Variants in CPNE4 observed in about 807,000 individuals in gnomAD.
CPNE4 encodes copine 4, also known as copine-4.
Under a neutral mutation model 67.9 loss-of-function variants are expected in CPNE4, and 25 were observed. The observed-to-expected ratio is 0.37, with a 90% CI of 0.27 to 0.51. The LOEUF is 0.51. Ranked by LOEUF, CPNE4 falls within the 20% of genes least tolerant of loss-of-function variation. The pLI is 0.93. For missense variants in CPNE4, 464 were observed against 690.8 expected, an observed-to-expected ratio of 0.67 and a Z score of 3.68; for synonymous variants, 242 against 244.9, an observed-to-expected ratio of 0.99 and a Z score of 0.11.
At position 131,830,084 on chromosome 3, in the gene CPNE4, C is replaced by A. The variant is rs145932020; in HGVS notation, c.180+75180G>T. Among the ~76,000 whole-genome samples, 273 of 152,232 alleles carry A rather than the reference C, an allele frequency of 1.8e-3. 1 individual carries two copies. The highest frequency in any genetic ancestry group is 6.2e-3 in the African/African-American group (257 of 41,552). Reference sequence around the variant, plus strand: ...TAACCTTTTTGAGCTTAGAAGATTGCATTAAAATCTGGATGCCCAACAGCC... The same window carrying A: ...TAACCTTTTTGAGCTTAGAAGATTGAATTAAAATCTGGATGCCCAACAGCC... On this transcript the variant is annotated intron_variant, in intron 2 of 15. Transcript: ENST00000429747.
intron 2 of CPNE4, among the ~76,000 whole-genome samples, chr3:131,770,386 T>C (rs1303921653): frequency 2.6e-5 from 4 of 152,244 alleles, no homozygotes; most frequent in African/African-American, 9.6e-5. Context: ...AAGTTGTACT[T>C]CCTGTCTAAT....
At chr3:131,710,720 G>T (rs1052016973) in intron 3 of CPNE4, among the ~76,000 whole-genome samples, 1 of 152,186 alleles carries the variant, frequency 6.6e-6, no homozygotes, top group South Asian at 2.1e-4. Context: ...AAGACCCCCT[G>T]AAAATCAGTT....
chr3:131,829,740 G>A (rs1001002755), intron 2 of CPNE4, among the ~76,000 whole-genome samples: 5 of 152,218 alleles, frequency 3.3e-5, no homozygotes, highest in Non-Finnish European at 7.3e-5. Context: ...CTCTTCACAA[G>A]AGGATGGGGA....
chr3:131,774,664 T>C (rs116372859), intron 2 of CPNE4, among the ~76,000 whole-genome samples: 1 of 152,194 alleles, frequency 6.6e-6, no homozygotes, highest in African/African-American at 2.4e-5. Context: ...TTGCAGTCCT[T>C]CTCTTTGGTG....
At chr3:132,023,088 C>T (rs1022548965) in intron 1 of CPNE4, among the ~76,000 whole-genome samples, 6 of 152,178 alleles carry the variant, frequency 3.9e-5, no homozygotes, top group African/African-American at 1.4e-4. Context: ...ATCTATAGAA[C>T]ATCTCATTCC....
chr3:131,929,114 G>A (rs1035658488), intron 1 of CPNE4, among the ~76,000 whole-genome samples: 1 of 148,576 alleles, frequency 6.7e-6, no homozygotes, highest in Non-Finnish European at 1.5e-5. Context: ...TCTCAGTTCA[G>A]TGAGGTTTAA....
Position 131,755,814 on chromosome 3 carries a change from T to C in CPNE4, c.181-32189A>G, listed in dbSNP as rs540913523. Among the ~76,000 whole-genome samples, 15 of 152,308 alleles carry C rather than the reference T, an allele frequency of 9.8e-5. 1 individual carries two copies. The South Asian group carries it at 3.1e-3, about 32-fold the overall frequency. ...TTCACCTATCCCATCACATTAGACA[T>C]TTTTATTCTGGAAACTCTCAGGGTT... On this transcript the variant is annotated intron_variant, in intron 2 of 15. Coordinates refer to ENST00000429747, the MANE Select transcript of CPNE4 (RefSeq NM_130808.3).
intron 2 of CPNE4, among the ~76,000 whole-genome samples, chr3:131,807,909 C>T (rs984480565): frequency 1.3e-5 from 2 of 151,616 alleles, no homozygotes; most frequent in Non-Finnish European, 2.9e-5. Flanking sequence ...GATATTTAAT[C>T]GTTATTAGTT....
At chr3:131,671,490 C>T (rs990248137) in intron 6 of CPNE4, among the ~76,000 whole-genome samples, 9 of 142,430 alleles carry the variant, frequency 6.3e-5, no homozygotes, top group South Asian at 2.2e-4. Context: ...TGTGTGTGTA[C>T]GTGCAGGCTA....
At chr3:131,826,198 C>CT (rs71304301) in intron 2 of CPNE4, among the ~76,000 whole-genome samples, 35,623 of 151,534 alleles carry the variant, frequency 0.24, 4,791 homozygotes, top group Middle Eastern at 0.34. Flanking sequence ...TTTCTTTTTT[C>CT]TTTTTTTGTT....
chr3:132,001,955 G>T (rs904377092), intron 1 of CPNE4, among the ~76,000 whole-genome samples: 20 of 151,966 alleles, frequency 1.3e-4, no homozygotes, highest in African/African-American at 4.6e-4. Context: ...GGGGTTTTGT[G>T]TTTTTTTCCT....
In CPNE4 at chr3:131,895,960, C is replaced by T. The variant is rs11923812; in HGVS notation, c.180+9304G>A. ...CTAATCCCCGGCCAGGGGATCACGC[C>T]TATAATCCCAGTGGAGGCCAAGGTG... On this transcript the variant is annotated intron_variant, in intron 2 of 15. Transcript: ENST00000429747. Among the ~76,000 whole-genome samples the T allele has an allele frequency of 3.8e-3, 580 of 152,032 alleles. 6 individuals carry two copies. The highest frequency in any genetic ancestry group is 0.013 in the African/African-American group (540 of 41,504).
rs1272502403 is a variant in CPNE4 at position 131,977,012 on chromosome 3, G to A, written c.-2+57555C>T. Reference sequence around the variant, plus strand: ...AGATGGGATTTCATCATGTTGGTCAGGCTGGTCTCGAACTCCTGACCTCGT... The same window carrying A: ...AGATGGGATTTCATCATGTTGGTCAAGCTGGTCTCGAACTCCTGACCTCGT... On this transcript the variant is annotated intron_variant, in intron 1 of 15. Coordinates refer to ENST00000429747, the MANE Select transcript of CPNE4 (RefSeq NM_130808.3). Among the ~76,000 whole-genome samples, 3 of 151,988 alleles carry A rather than the reference G, an allele frequency of 2.0e-5. No individual in the cohort carries two copies. The East Asian group carries it at 5.8e-4, about 29-fold the overall frequency.
intron 2 of CPNE4, among the ~76,000 whole-genome samples, chr3:131,789,033 CACAGAG>C (rs1367637258): frequency 6.9e-5 from 10 of 144,330 alleles, no homozygotes; most frequent in African/African-American, 1.9e-4. Flanking sequence ...CACACACACA[CACAGAG>C]AGAGAGAGAG....
intron 1 of CPNE4, among the ~76,000 whole-genome samples, chr3:131,947,077 A>G (rs1284989634): frequency 6.6e-6 from 1 of 152,200 alleles, no homozygotes; most frequent in African/African-American, 2.4e-5. Context: ...TACCCTTGCA[A>G]CAATTTCACA....
At chr3:131,862,714 TA>T (rs574495848) in intron 2 of CPNE4, among the ~76,000 whole-genome samples, 10,011 of 150,990 alleles carry the variant, frequency 0.066, 450 homozygotes, top group East Asian at 0.17. Context: ...TATATATATA[TA>T]TTTTTATTAT....
At chr3:131,728,422 T>C (rs995839571) in intron 2 of CPNE4, among the ~76,000 whole-genome samples, 6 of 152,222 alleles carry the variant, frequency 3.9e-5, no homozygotes, top group African/African-American at 1.2e-4. Flanking sequence ...CTCTATGCTA[T>C]ATAGTTATGC....
At chr3:131,562,436 A>G (rs1027177306) in intron 11 of CPNE4, among the ~76,000 whole-genome samples, 3 of 152,028 alleles carry the variant, frequency 2.0e-5, no homozygotes, top group Non-Finnish European at 4.4e-5. Context: ...GCAGATTCAG[A>G]GTTAACTTTT....
At chr3:131,580,886 T>G (rs1937782720) in intron 9 of CPNE4, among the ~76,000 whole-genome samples, 1 of 152,170 alleles carries the variant, frequency 6.6e-6, no homozygotes, top group African/African-American at 2.4e-5. Flanking sequence ...TATAAAACAC[T>G]GGACAGGCTG....
Sources: gnomAD v4.1 joint callset for allele counts (sites outside exome capture counted in the v4.1 genomes callset) on GRCh38, gnomAD v4.1.1 for gene constraint, MANE v1.5 for transcripts, NCBI Gene and HGNC (gene_info 2026-07-23, HGNC 2026-07-21) for gene names.